Variants in SAP30L observed in about 807,000 individuals in gnomAD.
SAP30L encodes histone deacetylase complex subunit SAP30L.
In SAP30L, 10 loss-of-function variants were observed where a neutral mutation model predicts 22.3. The observed-to-expected ratio is 0.45, with a 90% CI of 0.28 to 0.76. The LOEUF (loss-of-function observed/expected upper bound fraction) is 0.76, where lower values mean the gene tolerates loss of function less well. Among genes scored for constraint, SAP30L ranks in the 30% least tolerant of loss-of-function variants. The pLI is 0.14. For synonymous variants in SAP30L, 91 were observed against 94.1 expected (o/e 0.97, Z 0.19); for missense variants, 206 against 237.9 (o/e 0.87, Z 0.88).
At chr5:154,448,566 AG>A (rs779932941) in intron 1 of SAP30L, among the ~76,000 whole-genome samples, 13 of 152,216 alleles carry the variant, frequency 8.5e-5, no homozygotes, top group Non-Finnish European at 1.9e-4. Flanking sequence ...GGTTGTTAGA[AG>A]CTGCTTTACT....
chr5:154,451,989 C>G (rs1385124075), intron 2 of SAP30L, among the ~76,000 whole-genome samples: 1 of 152,190 alleles, frequency 6.6e-6, no homozygotes, highest in Non-Finnish European at 1.5e-5. Context: ...GGAAGGCTGC[C>G]TTCCCTTCAG....
In SAP30L at chr5:154,451,219, G is replaced by T. The variant is rs753883581; in HGVS notation, c.324+6G>T. On this transcript the variant is annotated splice_donor_region_variant and intron_variant, in intron 2 of 3. Transcript: ENST00000297109. ...ACGACACTGACATTCCTGAGGTAAA[G>T]GTCAAAGAAACCAGTTGCGGAAGCT... The T allele has an allele frequency of 1.2e-6, 2 of 1,611,434 alleles. No homozygotes were observed. Among genetic ancestry groups the T allele is most frequent in the Non-Finnish European group, 8.5e-7 (1 of 1,179,116 alleles).
At chr5:154,453,223 C>G (rs1024771741) in intron 2 of SAP30L, 179 bp from the exon 3 acceptor site, 2 of 533,766 alleles carry the variant, frequency 3.7e-6, no homozygotes, top group African/African-American at 1.9e-5. Flanking sequence ...AACTGTTTTT[C>G]TACTGTTATT....
At position 154,460,924 on chromosome 5, in the gene SAP30L, C is replaced by G. The variant is rs1007662913; in HGVS notation, c.*4896C>G. 1.3e-5 allele frequency: 2 copies of G among 152,142 alleles called. No individual in the cohort carries two copies. Among genetic ancestry groups the G allele is most frequent in the Non-Finnish European group, 2.9e-5 (2 of 68,054 alleles). 9.4% of individuals were successfully genotyped at this position (152,142 alleles called of 1,614,324 possible). A position where few individuals can be genotyped will look rare whatever the true frequency, so the allele number is the denominator to read the frequency against. ...TGTATTTTAACTTCGTAATCTATGG[C>G]TCTGTACTGTTGAAAGGCTCTCAAT... On this transcript the variant is annotated 3_prime_UTR_variant, in exon 4 of 4. Coordinates refer to ENST00000297109, the MANE Select transcript of SAP30L (RefSeq NM_024632.6).
rs1297995765 is a variant in SAP30L, at chr5:154,460,269, G to A, written c.*4241G>A. The A allele has an allele frequency of 6.6e-6, 1 of 152,190 alleles. No homozygotes were observed. Among genetic ancestry groups the A allele is most frequent in the Non-Finnish European group, 1.5e-5 (1 of 68,038 alleles). 9.4% of individuals were successfully genotyped at this position (152,190 alleles called of 1,614,324 possible). On this transcript the variant is annotated 3_prime_UTR_variant, in exon 4 of 4. Coordinates refer to ENST00000297109, the MANE Select transcript of SAP30L (RefSeq NM_024632.6). ...GATCTAGCCTGTTATTTAAAACCAG[G>A]GTTCAAAAGCCCTATTGGGAGAGGT...
chr5:154,451,105 T>C lies in SAP30L; in HGVS notation c.216T>C (p.Tyr72=). 1 of 1,614,134 alleles carries C rather than the reference T, an allele frequency of 6.2e-7. No individual in the cohort carries two copies. The highest frequency in any genetic ancestry group is 8.5e-7 in the Non-Finnish European group (1 of 1,179,994). ...LDIDKSVRHL[Y]ICDFHKNFIQ... is the part of the protein sequence containing the mutation. ...GTCTCCATCAGGTAAGGCACCTATA[T>C]ATCTGTGATTTTCACAAAAATTTCA... The change falls in exon 2 of 4, where the codon TAT becomes TAC. Residue 72 remains tyrosine, a synonymous_variant. Coordinates refer to ENST00000297109, the MANE Select transcript of SAP30L (RefSeq NM_024632.6).
chr5:154,451,074 A>G lies in SAP30L; in HGVS notation c.202-17A>G. The G allele has an allele frequency of 6.2e-7, 1 of 1,613,850 alleles. No homozygotes were observed. Among genetic ancestry groups the G allele is most frequent in the Non-Finnish European group, 8.5e-7 (1 of 1,179,934 alleles). On this transcript the variant is annotated splice_polypyrimidine_tract_variant and intron_variant, in intron 1 of 3. Coordinates refer to ENST00000297109, the MANE Select transcript of SAP30L (RefSeq NM_024632.6). Reference sequence around the variant, plus strand: ...AAGGAATTGGCCAACTCTGACTTTGATTTTTGTCTCCATCAGGTAAGGCAC... The same window carrying G: ...AAGGAATTGGCCAACTCTGACTTTGGTTTTTGTCTCCATCAGGTAAGGCAC...
At chr5:154,451,441 G>A in intron 2 of SAP30L, 1 of 556,910 alleles carries the variant, frequency 1.8e-6, no homozygotes, top group South Asian at 2.4e-5. Flanking sequence ...GAGAGCCGAG[G>A]TCATGTATAT....
chr5:154,457,843 T>TGTTC lies in SAP30L; in HGVS notation c.*1815_*1816insGTTC, dbSNP rs1455783762. On this transcript the variant is annotated 3_prime_UTR_variant, in exon 4 of 4. Coordinates refer to ENST00000297109, the MANE Select transcript of SAP30L (RefSeq NM_024632.6). ...CAGTCATTCACATTCACTATGTGTT[T>TGTTC]AGAGATTCTCTCCCTGCTTACAGCT... is the stretch of plus-strand genomic sequence containing the variant. 1.3e-5 allele frequency: 2 copies of TGTTC among 152,114 alleles called. No individual in the cohort carries two copies. The highest frequency in any genetic ancestry group is 2.4e-5 in the African/African-American group (1 of 41,406). The allele number at this position is 152,114 out of a possible 1,614,324, so 9.4% of individuals were successfully genotyped here. A position where few individuals can be genotyped will look rare whatever the true frequency, so the allele number is the denominator to read the frequency against.
chr5:154,446,877 G>A, intron 1 of SAP30L, 72 bp downstream of exon 1: 4 of 1,322,580 alleles, frequency 3.0e-6, no homozygotes, highest in African/African-American at 3.0e-5. Flanking sequence ...GGCTCCAGTC[G>A]GGACTCCCCG....
intron 2 of SAP30L, chr5:154,452,943 A>C (rs1582042795): frequency 6.5e-6 from 1 of 154,534 alleles, no homozygotes; most frequent in African/African-American, 2.4e-5. Context: ...CTTCCCAACA[A>C]CCACCACCAG....
chr5:154,456,028 A>G lies in SAP30L; in HGVS notation c.552A>G (p.Ter184TrpextTer2), dbSNP rs746452470. ...CGGAGGGTGGCAAGCAGCTTGAGTGAGGATGAAGCACATCTTAAAGGAATG... is the reference window on the plus strand; with the variant it reads ...CGGAGGGTGGCAAGCAGCTTGAGTGGGGATGAAGCACATCTTAAAGGAATG... ...QKSEGGKQLE[*>W] Residue 184 changes from the stop codon to tryptophan (W), a stop_lost, in exon 4 of 4, where the codon TGA becomes TGG. Transcript: ENST00000297109. 1 of 1,613,408 alleles carries G rather than the reference A, an allele frequency of 6.2e-7. No individual in the cohort carries two copies. The highest frequency in any genetic ancestry group is 8.5e-7 in the Non-Finnish European group (1 of 1,179,696).
chr5:154,450,804 C>T (rs553557135), intron 1 of SAP30L, among the ~76,000 whole-genome samples: 1 of 152,296 alleles, frequency 6.6e-6, no homozygotes, highest in Admixed American at 6.5e-5. Context: ...GGCCCTTCAC[C>T]CTGAGCATCT....
intron 1 of SAP30L, among the ~76,000 whole-genome samples, chr5:154,447,952 CTTT>C (rs1219989822): frequency 3.9e-4 from 45 of 115,460 alleles, no homozygotes; most frequent in African/African-American, 1.5e-3. Context: ...TTTTTCTTTT[CTTT>C]TTTTTTTCTT....
Position 154,446,842 on chromosome 5 carries a change from C to T in SAP30L, c.201+37C>T, listed in dbSNP as rs183383321. On this transcript the variant is annotated intron_variant, in intron 1 of 3. Transcript: ENST00000297109. ...CCCGCTCGCGTCTGGGCCCCGGCGC[C>T]CCCAGCTCTCCGTCCGCTGCCCTGG... is the stretch of plus-strand genomic sequence containing the variant. 6.8e-4 allele frequency: 1,049 copies of T among 1,548,840 alleles called. 1 individual carries two copies. Among genetic ancestry groups the T allele is most frequent in the Non-Finnish European group, 8.5e-4 (972 of 1,139,280 alleles).
At chr5:154,452,388 TGA>T in intron 2 of SAP30L, 1 of 713,088 alleles carries the variant, frequency 1.4e-6, no homozygotes, top group Non-Finnish European at 1.7e-6. Flanking sequence ...AAAAAGGTTT[TGA>T]GGAATGTTTT....
At position 154,457,645 on chromosome 5, in the gene SAP30L, C is replaced by T. The variant is rs1339855894; in HGVS notation, c.*1617C>T. On this transcript the variant is annotated 3_prime_UTR_variant, in exon 4 of 4. Transcript: ENST00000297109. ...ACGCTCACTAAAATGCAGTATGTTC[C>T]ATTGCAGCAAAGCTTTCGCCTGTGT... is the stretch of plus-strand genomic sequence containing the variant. 1 of 152,194 alleles carries T rather than the reference C, an allele frequency of 6.6e-6. No individual in the cohort carries two copies. Among genetic ancestry groups the T allele is most frequent in the Non-Finnish European group, 1.5e-5 (1 of 68,040 alleles). 9.4% of individuals were successfully genotyped at this position (152,194 alleles called of 1,614,324 possible).
Position 154,451,274 on chromosome 5 carries a change from C to T in SAP30L, c.324+61C>T, listed in dbSNP as rs189885558. The T allele has an allele frequency of 5.8e-6, 9 of 1,555,530 alleles. No individual in the cohort carries two copies. In the Admixed American group the frequency reaches 1.4e-4, roughly 24 times the overall value. ...GAATGGATTCTAATCTGATTCTCAC[C>T]TCTGGCCTGGTCTGCTTTTTGTGTT... On this transcript the variant is annotated intron_variant, in intron 2 of 3. Transcript: ENST00000297109.
chr5:154,449,900 T>C (rs1757103351), intron 1 of SAP30L, among the ~76,000 whole-genome samples: 1 of 152,200 alleles, frequency 6.6e-6, no homozygotes, highest in African/African-American at 2.4e-5. Context: ...AGTATAAACT[T>C]AAAAGTACTT....
Sources: allele counts gnomAD v4.1 joint callset (sites outside exome capture counted in the v4.1 genomes callset), GRCh38; gene constraint gnomAD v4.1.1; transcripts MANE v1.5; gene names NCBI Gene and HGNC (gene_info 2026-07-23, HGNC 2026-07-21).